The following ZFP69 variants were observed in gnomAD, a reference collection of about 807,000 sequenced individuals.
ZFP69 encodes ZFP69 zinc finger protein, also known as zinc finger protein 69 homolog.
Under a neutral mutation model 48.9 loss-of-function variants are expected in ZFP69, and 35 were observed. The ratio of observed to expected loss-of-function variants is 0.72; its 90% CI spans 0.55 to 0.95. The LOEUF (loss-of-function observed/expected upper bound fraction) is 0.95, where lower values mean the gene tolerates loss of function less well. ZFP69 is among the 40% of genes least tolerant of loss of function. The pLI is 0.00. For synonymous variants in ZFP69, 193 were observed against 216.8 expected, an observed-to-expected ratio of 0.89 and a Z score of 0.96; for missense variants, 557 against 638.4, an observed-to-expected ratio of 0.87 and a Z score of 1.37.
At chr1:40,481,891 TCTC>T in intron 3 of ZFP69, 37 bp downstream of exon 3, 1 of 1,532,922 alleles carries the variant, frequency 6.5e-7, no homozygotes, top group African/African-American at 1.4e-5. Flanking sequence ...TGACATTGCT[TCTC>T]CTGTTTTTAG....
chr1:40,481,806 A>G lies in ZFP69; in HGVS notation c.171A>G (p.Glu57=). 6.2e-7 allele frequency: 1 copy of G among 1,613,048 alleles called. No individual in the cohort carries two copies. The highest frequency in any genetic ancestry group is 2.2e-5 in the East Asian group (1 of 44,868). The change falls in exon 3 of 6, where the codon GAA becomes GAG. Residue 57 remains glutamate, a synonymous_variant. Transcript: ENST00000372706. ...CTGAGGACGTAAAGACCCAGAGAGA[A>G]AGTTTAGAGGATGAAGTGACCCCTG... ...QDAEDVKTQR[E]SLEDEVTPGL...
intron 5 of ZFP69, among the ~76,000 whole-genome samples, chr1:40,494,402 G>A (rs1645602877): frequency 7.0e-6 from 1 of 143,834 alleles, no homozygotes; most frequent in Admixed American, 7.0e-5. Context: ...CCGAGTAGCT[G>A]GGACTACAGG....
At chr1:40,481,671 G>C (rs866948202) in intron 2 of ZFP69, 92 bp from the exon 3 acceptor site, 1 of 960,598 alleles carries the variant, frequency 1.0e-6, no homozygotes, top group Non-Finnish European at 1.5e-6. Flanking sequence ...AACCTTTTTG[G>C]GGGAGGAGCC....
At chr1:40,481,638 C>T in intron 2 of ZFP69, 125 bp from the exon 3 acceptor site, 1 of 654,006 alleles carries the variant, frequency 1.5e-6, no homozygotes, top group Non-Finnish European at 2.6e-6. Flanking sequence ...GCTCTTGAGT[C>T]ACTCTCAGTG....
chr1:40,489,991 T>C (rs1645549534), intron 5 of ZFP69, among the ~76,000 whole-genome samples: 1 of 149,006 alleles, frequency 6.7e-6, no homozygotes, highest in African/African-American at 2.5e-5. Context: ...TGCCTCAGCC[T>C]CCCGAGTAGC....
intron 3 of ZFP69, among the ~76,000 whole-genome samples, chr1:40,487,862 C>T (rs890242349): frequency 2.6e-5 from 4 of 152,010 alleles, no homozygotes; most frequent in Non-Finnish European, 5.9e-5. Flanking sequence ...GTCTGACCAA[C>T]ATGGTGAAAC....
At chr1:40,491,517 A>C (rs1645567803) in intron 5 of ZFP69, among the ~76,000 whole-genome samples, 1 of 152,184 alleles carries the variant, frequency 6.6e-6, no homozygotes, top group Non-Finnish European at 1.5e-5. Flanking sequence ...CATCTTTGTC[A>C]ACATTTGTTA....
intron 3 of ZFP69, among the ~76,000 whole-genome samples, chr1:40,487,571 T>C (rs913894976): frequency 2.0e-5 from 3 of 152,190 alleles, no homozygotes; most frequent in African/African-American, 2.4e-5. Context: ...CAGTATTAAA[T>C]CACTACTGCA....
At chr1:40,491,377 G>A (rs1358892158) in intron 5 of ZFP69, among the ~76,000 whole-genome samples, 1 of 152,246 alleles carries the variant, frequency 6.6e-6, no homozygotes, top group East Asian at 1.9e-4. Flanking sequence ...AAGATAGCTG[G>A]TAGAAGCAAA....
At chr1:40,483,152 G>A (rs1021752594) in intron 3 of ZFP69, among the ~76,000 whole-genome samples, 2 of 151,444 alleles carry the variant, frequency 1.3e-5, no homozygotes, top group African/African-American at 4.9e-5. Context: ...GGAACGTTCT[G>A]AGATGGTGGA....
rs759486839 is a variant in ZFP69, at chr1:40,489,542, C to T, written c.360C>T (p.Ser120=). ...CTACATAAGCAGGATATCAACTTTC[C>T]AAACCTAGTGTGATATCCCAGTTAG... The part of the protein sequence containing the change: ...SNLVSVGYQL[S]KPSVISQLEK... The change falls in exon 5 of 6, where the codon TCC becomes TCT. Residue 120 remains serine, a synonymous_variant. Transcript: ENST00000372706. The T allele has an allele frequency of 1.2e-6, 2 of 1,612,168 alleles. No individual in the cohort carries two copies. Among genetic ancestry groups the T allele is most frequent in the East Asian group, 2.2e-5 (1 of 44,854 alleles).
At chr1:40,486,291 TC>T (rs1645495610) in intron 3 of ZFP69, among the ~76,000 whole-genome samples, 1 of 152,104 alleles carries the variant, frequency 6.6e-6, no homozygotes, top group Admixed American at 6.6e-5. Context: ...TGATTTTTTT[TC>T]CTATTAGTTT....
At position 40,479,452 on chromosome 1, in the gene ZFP69, C is replaced by T; in HGVS notation, c.91C>T (p.Leu31=). The change falls in exon 2 of 6, where the codon CTG becomes TTG. Residue 31 remains leucine, a synonymous_variant. Coordinates refer to ENST00000372706, the MANE Select transcript of ZFP69 (RefSeq NM_001320179.2). ...HPKKAVEGAP[L]WEDVTKMFEG... ...AAAGAAGGCCGTGGAGGGGGCGCCCCTGTGGGAGGATGTGACTAAAATGTT... is the reference window on the plus strand; with the variant it reads ...AAAGAAGGCCGTGGAGGGGGCGCCCTTGTGGGAGGATGTGACTAAAATGTT... 2.5e-6 allele frequency: 4 copies of T among 1,613,910 alleles called. No individual in the cohort carries two copies. The highest frequency in any genetic ancestry group is 2.2e-5 in the South Asian group (2 of 91,070).
chr1:40,495,742 C>A lies in ZFP69; in HGVS notation c.1264C>A (p.His422Asn). The change falls in exon 6 of 6, where the codon CAT becomes AAT. Residue 422 changes from histidine to asparagine, a missense_variant. Coordinates refer to ENST00000372706, the MANE Select transcript of ZFP69 (RefSeq NM_001320179.2). ...ACTACCKTFS[H>N]RAYLTHHQRI... Reference sequence around the variant, plus strand: ...CACTGCATGTTGTAAAACCTTTAGTCATAGAGCGTATCTAACACATCACCA... The same window carrying A: ...CACTGCATGTTGTAAAACCTTTAGTAATAGAGCGTATCTAACACATCACCA... The A allele has an allele frequency of 6.2e-7, 1 of 1,614,194 alleles. No homozygotes were observed. The highest frequency in any genetic ancestry group is 1.1e-5 in the South Asian group (1 of 91,072).
At chr1:40,485,897 T>TTTGTTGTTG (rs775563096) in intron 3 of ZFP69, among the ~76,000 whole-genome samples, 1 of 151,978 alleles carries the variant, frequency 6.6e-6, no homozygotes, top group Non-Finnish European at 1.5e-5. Flanking sequence ...ATAGGTGTGA[T>TTTGTTGTTG]TTGTTGTTGT....
chr1:40,495,213 T>C lies in ZFP69; in HGVS notation c.735T>C (p.Tyr245=), dbSNP rs781184175. The change falls in exon 6 of 6, where the codon TAT becomes TAC. Residue 245 remains tyrosine, a synonymous_variant. Coordinates refer to ENST00000372706, the MANE Select transcript of ZFP69 (RefSeq NM_001320179.2). ...NVIIEQRHHK[Y]DTPTKRNTYK... is the part of the protein sequence containing the mutation. ...TTATTGAACAGAGGCACCATAAATA[T>C]GATACACCTACAAAGCGGAACACAT... 4 of 1,614,130 alleles carry C rather than the reference T, an allele frequency of 2.5e-6. No individual in the cohort carries two copies. Among genetic ancestry groups the C allele is most frequent in the Non-Finnish European group, 3.4e-6 (4 of 1,180,026 alleles).
chr1:40,479,069 C>A lies in ZFP69; in HGVS notation c.-293C>A. On this transcript the variant is annotated 5_prime_UTR_variant, in exon 2 of 6. Transcript: ENST00000372706. Reference sequence around the variant, plus strand: ...GTTCTGGAGACAAGTGCTTCTGGATCCCTCTTCCCTTCCCTTTTGCTCCTC... The same window carrying A: ...GTTCTGGAGACAAGTGCTTCTGGATACCTCTTCCCTTCCCTTTTGCTCCTC... 1 of 268,068 alleles carries A rather than the reference C, an allele frequency of 3.7e-6. No homozygotes were observed. 16.6% of individuals were successfully genotyped at this position (268,068 alleles called of 1,614,324 possible). A position where few individuals can be genotyped will look rare whatever the true frequency, so the allele number is the denominator to read the frequency against.
At chr1:40,485,314 G>A (rs1645484874) in intron 3 of ZFP69, among the ~76,000 whole-genome samples, 2 of 151,906 alleles carry the variant, frequency 1.3e-5, no homozygotes, top group Admixed American at 1.3e-4. Flanking sequence ...CATTACACAT[G>A]TTACAAAAGT....
intron 5 of ZFP69, among the ~76,000 whole-genome samples, chr1:40,494,394 G>A (rs1645602711): frequency 1.4e-5 from 2 of 140,022 alleles, no homozygotes; most frequent in South Asian, 2.2e-4. Flanking sequence ...TCAGCCTCCC[G>A]AGTAGCTGGG....
Sources: allele counts gnomAD v4.1 joint callset (sites outside exome capture counted in the v4.1 genomes callset), GRCh38; gene constraint gnomAD v4.1.1; transcripts MANE v1.5; gene names NCBI Gene and HGNC (gene_info 2026-07-23, HGNC 2026-07-21).